Variants in PXDNL observed in about 807,000 individuals in gnomAD.
PXDNL encodes the protein peroxidasin like, also known as probable oxidoreductase PXDNL.
PXDNL carries 145 observed loss-of-function variants against 150.8 expected under a neutral mutation model. The ratio of observed to expected loss-of-function variants is 0.96; its 90% confidence interval spans 0.84 to 1.10. PXDNL has a LOEUF of 1.10. PXDNL is among the 50% of genes least tolerant of loss of function. The pLI, the probability that PXDNL is intolerant of heterozygous loss-of-function variation, is 0.00. For synonymous variants in PXDNL, 757 were observed against 725.7 expected (o/e 1.04, Z -0.69); for missense variants, 2,087 against 1,873.9 (o/e 1.11, Z -2.10).
At chr8:51,437,143 A>C (rs1197997278) in intron 12 of PXDNL, among the ~76,000 whole-genome samples, 1 of 152,224 alleles carries the variant, frequency 6.6e-6, no homozygotes, top group Admixed American at 6.5e-5. Flanking sequence ...TCCTAGATTA[A>C]ACCAGGAAGA....
intron 1 of PXDNL, among the ~76,000 whole-genome samples, chr8:51,801,196 G>T (rs967238307): frequency 3.3e-5 from 5 of 152,232 alleles, no homozygotes; most frequent in Admixed American, 2.0e-4. Context: ...TGTCCTATGT[G>T]GTTGAGATAA....
chr8:51,638,032 C>G (rs1003884426), intron 2 of PXDNL, among the ~76,000 whole-genome samples: 1 of 152,174 alleles, frequency 6.6e-6, no homozygotes, highest in Non-Finnish European at 1.5e-5. Flanking sequence ...CCAGAAGAGA[C>G]TGGCGGCGAA....
chr8:51,417,349 A>T (rs1394904175), intron 14 of PXDNL, among the ~76,000 whole-genome samples: 55 of 152,338 alleles, frequency 3.6e-4, no homozygotes, highest in Non-Finnish European at 1.9e-4. Context: ...CTATCCCTGC[A>T]TCTATGAGGC....
intron 2 of PXDNL, among the ~76,000 whole-genome samples, chr8:51,625,832 C>G (rs1177733101): frequency 6.6e-6 from 1 of 152,112 alleles, no homozygotes. Flanking sequence ...TTTTTTAGTA[C>G]TCTGTGATCT....
intron 4 of PXDNL, among the ~76,000 whole-genome samples, chr8:51,513,118 A>T (rs1181457595): frequency 6.6e-6 from 1 of 152,206 alleles, no homozygotes; most frequent in Non-Finnish European, 1.5e-5. Flanking sequence ...ACAAAACAGG[A>T]CTCTAGCTAG....
chr8:51,625,378 A>T (rs866079641), intron 2 of PXDNL, among the ~76,000 whole-genome samples: 1 of 152,236 alleles, frequency 6.6e-6, no homozygotes, highest in Non-Finnish European at 1.5e-5. Flanking sequence ...TCAAATATTT[A>T]TAAAGGCAAA....
chr8:51,703,181 T>G (rs1420822949), intron 1 of PXDNL, among the ~76,000 whole-genome samples: 2 of 152,172 alleles, frequency 1.3e-5, no homozygotes, highest in African/African-American at 4.8e-5. Context: ...TCTTTTAATT[T>G]TCTGTGCTAT....
chr8:51,691,271 T>G (rs1356078602), intron 1 of PXDNL, among the ~76,000 whole-genome samples: 2 of 152,218 alleles, frequency 1.3e-5, no homozygotes, highest in African/African-American at 2.4e-5. Flanking sequence ...TGGTAATGCC[T>G]AGGTTTTGTT....
chr8:51,690,112 T>C (rs1049620184), intron 1 of PXDNL, among the ~76,000 whole-genome samples: 3 of 152,234 alleles, frequency 2.0e-5, no homozygotes, highest in Non-Finnish European at 2.9e-5. Context: ...TGCGTTTGGA[T>C]TGTCAATGGC....
At chr8:51,565,389 C>T (rs576409646) in intron 3 of PXDNL, among the ~76,000 whole-genome samples, 3 of 151,680 alleles carry the variant, frequency 2.0e-5, no homozygotes, top group East Asian at 3.9e-4. Flanking sequence ...TGAAAAACCA[C>T]ACAATAGGTG....
chr8:51,365,696 T>C (rs1028674549), intron 19 of PXDNL, among the ~76,000 whole-genome samples: 13 of 152,214 alleles, frequency 8.5e-5, no homozygotes, highest in African/African-American at 3.1e-4. Flanking sequence ...CATCGTAGCC[T>C]GTGAGTGATA....
At chr8:51,571,385 G>A (rs2130593449) in intron 3 of PXDNL, among the ~76,000 whole-genome samples, 1 of 151,878 alleles carries the variant, frequency 6.6e-6, no homozygotes, top group Admixed American at 6.6e-5. Context: ...TAACAGATAT[G>A]TATGGAAAAT....
At chr8:51,321,480 T>G (rs974831957) in intron 21 of PXDNL, among the ~76,000 whole-genome samples, 1 of 152,102 alleles carries the variant, frequency 6.6e-6, no homozygotes, top group South Asian at 2.1e-4. Context: ...AATCTCATGT[T>G]GAATTGTAAT....
intron 1 of PXDNL, among the ~76,000 whole-genome samples, chr8:51,762,748 T>C (rs7816511): frequency 0.011 from 1,747 of 152,320 alleles, 27 homozygotes; most frequent in African/African-American, 0.039. Context: ...TGGGCACATG[T>C]TCTCAGGACC....
At chr8:51,559,638 T>A (rs913472808) in intron 3 of PXDNL, among the ~76,000 whole-genome samples, 2 of 151,940 alleles carry the variant, frequency 1.3e-5, no homozygotes, top group African/African-American at 4.8e-5. Flanking sequence ...GAATCCCCAC[T>A]TTTTACAGAT....
chr8:51,586,451 G>T (rs561646623), intron 3 of PXDNL, among the ~76,000 whole-genome samples: 1 of 152,254 alleles, frequency 6.6e-6, no homozygotes, highest in East Asian at 1.9e-4. Context: ...GCAGTGGTTT[G>T]TTTCACAGCA....
At chr8:51,780,275 A>G (rs2037397769) in intron 1 of PXDNL, among the ~76,000 whole-genome samples, 5 of 152,190 alleles carry the variant, frequency 3.3e-5, no homozygotes, top group African/African-American at 4.8e-5. Flanking sequence ...CAGGCTGTAT[A>G]ACCCAGTGAT....
intron 14 of PXDNL, among the ~76,000 whole-genome samples, chr8:51,416,146 T>C (rs1219221381): frequency 6.6e-6 from 1 of 152,236 alleles, no homozygotes. Context: ...CATGCTTCTG[T>C]TTGTGACAAG....
At chr8:51,486,491 T>A (rs1810739153) in intron 5 of PXDNL, among the ~76,000 whole-genome samples, 2 of 151,900 alleles carry the variant, frequency 1.3e-5, no homozygotes, top group Admixed American at 6.6e-5. Flanking sequence ...ATAATAACTG[T>A]CATTGGTTAT....
Sources: gnomAD v4.1 joint callset for allele counts (sites outside exome capture counted in the v4.1 genomes callset) on GRCh38, gnomAD v4.1.1 for gene constraint, MANE v1.5 for transcripts, NCBI Gene and HGNC (gene_info 2026-07-23, HGNC 2026-07-21) for gene names.